The following HYCC1 variants were observed in gnomAD, a reference collection of about 807,000 sequenced individuals.
HYCC1 encodes hyccin.
At chr7:22,930,277 G>GTATA in the HYCC1 span, among the ~76,000 whole-genome samples, 5 of 149,118 alleles carry the variant, frequency 3.4e-5, no homozygotes, top group Non-Finnish European at 7.4e-5. Flanking sequence ...CACCAACATG[G>GTATA]CACATGTATA....
the HYCC1 span, among the ~76,000 whole-genome samples, chr7:22,995,399 T>C: frequency 1.3e-5 from 2 of 152,158 alleles, no homozygotes; most frequent in African/African-American, 4.8e-5. Context: ...TCTTAATTCC[T>C]AGAATTCTCC....
the HYCC1 span, chr7:22,938,927 C>A: frequency 6.6e-6 from 1 of 152,128 alleles, no homozygotes; most frequent in Non-Finnish European, 1.5e-5. Flanking sequence ...CTTTAGACCA[C>A]ACTTTGAGAA....
the HYCC1 span, among the ~76,000 whole-genome samples, chr7:22,930,392 AG>A: frequency 7.0e-5 from 9 of 127,924 alleles, no homozygotes; most frequent in East Asian, 6.2e-4. Context: ...AAAAAGAAAA[AG>A]AAAAAAAAAA....
chr7:22,926,638 C>T, the HYCC1 span, among the ~76,000 whole-genome samples: 1 of 151,886 alleles, frequency 6.6e-6, no homozygotes, highest in African/African-American at 2.4e-5. Flanking sequence ...GCTAACTATC[C>T]TAAATATATA....
chr7:22,931,521 G>T, the HYCC1 span, among the ~76,000 whole-genome samples: 3 of 152,292 alleles, frequency 2.0e-5, no homozygotes, highest in South Asian at 2.1e-4. Flanking sequence ...TTAATGGGTA[G>T]AGGCTGAAAG....
At chr7:22,927,515 C>T in the HYCC1 span, among the ~76,000 whole-genome samples, 1 of 152,164 alleles carries the variant, frequency 6.6e-6, no homozygotes, top group Non-Finnish European at 1.5e-5. Context: ...CACCACCAAT[C>T]CCACAGAAAT....
At chr7:22,948,331 G>C in the HYCC1 span, among the ~76,000 whole-genome samples, 1 of 152,000 alleles carries the variant, frequency 6.6e-6, no homozygotes, top group South Asian at 2.1e-4. Context: ...GATGCTAAAG[G>C]CTGAGAAACA....
chr7:22,960,403 T>C, the HYCC1 span: 4 of 1,612,776 alleles, frequency 2.5e-6, no homozygotes, highest in Non-Finnish European at 3.4e-6. Context: ...GAAGCCTTTA[T>C]TGCATTAGCA....
At chr7:22,966,102 A>T in the HYCC1 span, among the ~76,000 whole-genome samples, 2 of 152,236 alleles carry the variant, frequency 1.3e-5, no homozygotes, top group African/African-American at 4.8e-5. Context: ...AAAACTGTCC[A>T]AAACAACAGA....
At chr7:22,961,158 T>A in the HYCC1 span, 1 of 852,702 alleles carries the variant, frequency 1.2e-6, no homozygotes. Context: ...TAATAAACTA[T>A]GAATGGCTCT....
chr7:22,940,927 C>T, the HYCC1 span: 2 of 151,774 alleles, frequency 1.3e-5, no homozygotes, highest in African/African-American at 4.8e-5. Flanking sequence ...ACTCACCACA[C>T]ATGGCAATAA....
chr7:23,012,516 T>C, the HYCC1 span, among the ~76,000 whole-genome samples: 3 of 152,256 alleles, frequency 2.0e-5, no homozygotes, highest in South Asian at 2.1e-4. Context: ...AAATATGTGA[T>C]GCTTTTCCCC....
At chr7:22,964,680 T>C in the HYCC1 span, 3 of 630,794 alleles carry the variant, frequency 4.8e-6, no homozygotes, top group Admixed American at 8.1e-5. Flanking sequence ...AGAACATTTG[T>C]CTGTAATACA....
the HYCC1 span, chr7:22,934,168 T>C: frequency 6.6e-6 from 1 of 151,384 alleles, no homozygotes. Flanking sequence ...CTAAAAATCT[T>C]TTTTCTGGCT....
At chr7:22,924,413 C>G in the HYCC1 span, among the ~76,000 whole-genome samples, 2 of 152,144 alleles carry the variant, frequency 1.3e-5, no homozygotes, top group African/African-American at 2.4e-5. Context: ...CACAAGGGGT[C>G]AGGGAATTCC....
the HYCC1 span, among the ~76,000 whole-genome samples, chr7:23,006,767 T>C: frequency 3.3e-5 from 5 of 152,210 alleles, no homozygotes; most frequent in African/African-American, 4.8e-5. Context: ...CAACTAATGT[T>C]TGTCAACTAT....
At chr7:22,960,987 G>A in the HYCC1 span, among the ~76,000 whole-genome samples, 1 of 152,232 alleles carries the variant, frequency 6.6e-6, no homozygotes, top group East Asian at 1.9e-4. Context: ...GGAGGCGGAG[G>A]TTGCGGAGAG....
chr7:23,008,851 A>G, the HYCC1 span, among the ~76,000 whole-genome samples: 6 of 152,070 alleles, frequency 3.9e-5, no homozygotes, highest in African/African-American at 1.4e-4. Context: ...CAAATAGACT[A>G]AAGATGTAAA....
the HYCC1 span, among the ~76,000 whole-genome samples, chr7:22,916,482 A>G: frequency 6.6e-6 from 1 of 152,176 alleles, no homozygotes; most frequent in Non-Finnish European, 1.5e-5. Flanking sequence ...ACACGCAGGC[A>G]AAGTACAGGG....
Sources: gnomAD v4.1 joint callset for allele counts (sites outside exome capture counted in the v4.1 genomes callset) on GRCh38, gnomAD v4.1.1 for gene constraint, MANE v1.5 for transcripts, NCBI Gene and HGNC (gene_info 2026-07-23, HGNC 2026-07-21) for gene names.